ZEB1: variants seen among roughly 807,000 people sequenced by gnomAD.
The protein encoded by ZEB1 is zinc finger E-box binding homeobox 1.
In ZEB1, 21 loss-of-function variants were observed where a neutral mutation model predicts 84.9. The observed-to-expected ratio is 0.25, with a 90% CI of 0.18 to 0.36. The LOEUF is 0.36. Ranked by LOEUF, ZEB1 falls within the 10% of genes least tolerant of loss-of-function variation. The pLI is 1.00. For missense variants in ZEB1, 1,104 were observed against 1,330.2 expected, an observed-to-expected ratio of 0.83 and a Z score of 2.65; for synonymous variants, 420 against 471.1, an observed-to-expected ratio of 0.89 and a Z score of 1.41.
intron 1 of ZEB1, among the ~76,000 whole-genome samples, chr10:31,418,428 C>T (rs1295517303): frequency 5.3e-5 from 8 of 151,928 alleles, no homozygotes; most frequent in Admixed American, 6.6e-5. Flanking sequence ...CAGAAGAATG[C>T]CAGGAGCCAG....
intron 3 of ZEB1, 88 bp from the exon 4 acceptor site, chr10:31,502,260 C>T (rs2068257051): frequency 1.5e-6 from 2 of 1,313,652 alleles, no homozygotes; most frequent in African/African-American, 1.5e-5. Flanking sequence ...ATCATATGTT[C>T]TCTCAAGATA....
intron 1 of ZEB1, among the ~76,000 whole-genome samples, chr10:31,364,253 G>A (rs2043989870): frequency 6.6e-6 from 1 of 152,162 alleles, no homozygotes; most frequent in Non-Finnish European, 1.5e-5. Context: ...GGCAAAGGGT[G>A]AGACCCTTCC....
intron 1 of ZEB1, among the ~76,000 whole-genome samples, chr10:31,452,228 G>T (rs928625817): frequency 6.6e-6 from 1 of 151,836 alleles, no homozygotes; most frequent in African/African-American, 2.4e-5. Context: ...AAACCATTAT[G>T]ATACCTATTT....
upstream of ZEB1, chr10:31,318,693 T>G (rs2032835755): frequency 2.6e-5 from 4 of 156,514 alleles, no homozygotes; most frequent in South Asian, 5.2e-4. Context: ...GGCCCCGGGG[T>G]GCGGGGGGCG....
chr10:31,458,557 A>G (rs1564948918), intron 1 of ZEB1, among the ~76,000 whole-genome samples: 1 of 151,924 alleles, frequency 6.6e-6, no homozygotes, highest in Non-Finnish European at 1.5e-5. Flanking sequence ...TCTCATTACT[A>G]TATTAAAGTG....
chr10:31,423,139 G>T (rs367872787), intron 1 of ZEB1, among the ~76,000 whole-genome samples: 1 of 151,994 alleles, frequency 6.6e-6, no homozygotes, highest in Non-Finnish European at 1.5e-5. Flanking sequence ...TGGCATAGGA[G>T]TGTAAAATTA....
intron 1 of ZEB1, among the ~76,000 whole-genome samples, chr10:31,399,452 A>G (rs1246902809): frequency 1.3e-5 from 2 of 152,076 alleles, no homozygotes; most frequent in Non-Finnish European, 2.9e-5. Context: ...TTCATTCCAC[A>G]TATGATAATT....
chr10:31,484,280 T>C (rs1472536176), intron 2 of ZEB1, among the ~76,000 whole-genome samples: 1 of 151,990 alleles, frequency 6.6e-6, no homozygotes, highest in African/African-American at 2.4e-5. Context: ...TGTGGACATC[T>C]TCATGGATGC....
At chr10:31,515,707 C>T (rs1169897552) in intron 6 of ZEB1, among the ~76,000 whole-genome samples, 1 of 152,072 alleles carries the variant, frequency 6.6e-6, no homozygotes, top group African/African-American at 2.4e-5. Context: ...GAAGTTACCA[C>T]TTGAAAATGC....
At chr10:31,442,594 T>A (rs2059165553) in intron 1 of ZEB1, among the ~76,000 whole-genome samples, 1 of 151,356 alleles carries the variant, frequency 6.6e-6, no homozygotes, top group Non-Finnish European at 1.5e-5. Context: ...CAAGTGGAGC[T>A]ATCAAGTAGA....
intron 3 of ZEB1, among the ~76,000 whole-genome samples, chr10:31,496,125 T>C (rs1409332915): frequency 6.6e-6 from 1 of 152,100 alleles, no homozygotes; most frequent in African/African-American, 2.4e-5. Context: ...GAATGATGAT[T>C]TGAACTTCTA....
intron 1 of ZEB1, among the ~76,000 whole-genome samples, chr10:31,403,696 T>C (rs1397388667): frequency 1.3e-5 from 2 of 152,004 alleles, no homozygotes; most frequent in Non-Finnish European, 2.9e-5. Context: ...AGATGCCCAA[T>C]ACTGTGGATA....
At chr10:31,495,197 TATAAA>T (rs1485867232) in intron 2 of ZEB1, among the ~76,000 whole-genome samples, 3 of 152,072 alleles carry the variant, frequency 2.0e-5, no homozygotes, top group Non-Finnish European at 4.4e-5. Context: ...TTTTTTAACT[TATAAA>T]ATATGTTGTT....
At chr10:31,462,371 T>A (rs1564964234) in intron 2 of ZEB1, among the ~76,000 whole-genome samples, 1 of 152,214 alleles carries the variant, frequency 6.6e-6, no homozygotes, top group Non-Finnish European at 1.5e-5. Context: ...ACTCTCTGCA[T>A]GAATGATGTT....
Position 31,502,434 on chromosome 10 carries a change from G to C in ZEB1, c.409G>C (p.Ala137Pro). The C allele has an allele frequency of 6.2e-6, 10 of 1,613,864 alleles. No homozygotes were observed. The highest frequency in any genetic ancestry group is 7.6e-6 in the Non-Finnish European group (9 of 1,179,832). The change falls in exon 4 of 9, where the codon GCT (alanine) becomes CCT (proline). Residue 137 changes from alanine to proline, a missense_variant. By Grantham distance (27) the Ala-to-Pro change is conservative. Around this residue, in one of 7 missense-constraint regions of ZEB1, gnomAD observed 162 missense variants for 184.5 expected, o/e 0.88. Coordinates refer to ENST00000424869, the MANE Select transcript of ZEB1 (RefSeq NM_001174096.2). ...AGAGTTTCTACAACAACAAGACACT[G>C]CTGTCATTTTTCCTGAGGCACCTGA... ...VEEFLQQQDT[A>P]VIFPEAPEED...
intron 1 of ZEB1, among the ~76,000 whole-genome samples, chr10:31,410,554 G>T (rs2054043546): frequency 6.6e-6 from 1 of 152,240 alleles, no homozygotes; most frequent in South Asian, 2.1e-4. Context: ...TTTTTCTGTT[G>T]TTCGAGATAG....
At chr10:31,377,621 A>G (rs1466459383) in intron 1 of ZEB1, among the ~76,000 whole-genome samples, 1 of 151,804 alleles carries the variant, frequency 6.6e-6, no homozygotes, top group East Asian at 1.9e-4. Flanking sequence ...TACTATTTCA[A>G]GGCTTCTCAG....
At chr10:31,443,502 G>A (rs180901611) in intron 1 of ZEB1, among the ~76,000 whole-genome samples, 1,665 of 149,636 alleles carry the variant, frequency 0.011, 45 homozygotes, top group South Asian at 0.07. Flanking sequence ...ATGCTGGTGC[G>A]CTGCACCCAC....
rs1258861615 is a variant in ZEB1, at chr10:31,491,216, A to G, written c.260-4560A>G. The stretch of plus-strand genomic sequence containing the variant: ...GGGACTTTATTTACCCTACTTTGCC[A>G]CATGCTTCCTGCATCTATGCCTGTA... On this transcript the variant is annotated intron_variant, in intron 2 of 8. Coordinates refer to ENST00000424869, the MANE Select transcript of ZEB1 (RefSeq NM_001174096.2). 3.3e-5 allele frequency among the ~76,000 whole-genome samples: 5 copies of G among 151,828 alleles called. No individual in the cohort carries two copies. In the East Asian group the frequency reaches 9.7e-4, roughly 30 times the overall value.
Sources: allele counts gnomAD v4.1 joint callset (sites outside exome capture counted in the v4.1 genomes callset), GRCh38; gene constraint gnomAD v4.1.1; regional missense constraint gnomAD v4.1.1; transcripts MANE v1.5; gene names NCBI Gene and HGNC (gene_info 2026-07-23, HGNC 2026-07-21).